The following CLSTN2 variants were observed in gnomAD, a reference collection of about 807,000 sequenced individuals.
CLSTN2 encodes calsyntenin-2.
Under a neutral mutation model 101.2 loss-of-function variants are expected in CLSTN2, and 48 were observed. The ratio of observed to expected loss-of-function variants is 0.47; its 90% CI spans 0.38 to 0.60. The LOEUF (loss-of-function observed/expected upper bound fraction) is 0.60, where lower values mean the gene tolerates loss of function less well. Ranked by LOEUF, CLSTN2 falls within the 20% of genes least tolerant of loss-of-function variation. The pLI, the probability that CLSTN2 is intolerant of heterozygous loss-of-function variation, is 0.00. For missense variants in CLSTN2, 1,160 were observed against 1,238.2 expected (o/e 0.94, Z 0.95); for synonymous variants, 481 against 463.6 (o/e 1.04, Z -0.48).
At chr3:139,968,546 C>G (rs1358246313) in intron 1 of CLSTN2, among the ~76,000 whole-genome samples, 1 of 152,202 alleles carries the variant, frequency 6.6e-6, no homozygotes, top group Non-Finnish European at 1.5e-5. Context: ...CATATGAAGA[C>G]AGAGTGAGAA....
chr3:140,488,340 T>C (rs908223471), intron 8 of CLSTN2, among the ~76,000 whole-genome samples: 1 of 152,246 alleles, frequency 6.6e-6, no homozygotes, highest in African/African-American at 2.4e-5. Flanking sequence ...CACTCAGCTC[T>C]GTCTCTTATT....
In CLSTN2 at chr3:140,202,308, T is replaced by C. The variant is rs149233878; in HGVS notation, c.232+26235T>C. Among the ~76,000 whole-genome samples, 547 of 152,310 alleles carry C rather than the reference T, an allele frequency of 3.6e-3. 4 individuals carry two copies. The highest frequency in any genetic ancestry group is 0.02 in the Middle Eastern group (6 of 294). On this transcript the variant is annotated intron_variant, in intron 2 of 16. Transcript: ENST00000458420. ...AACAGCTGAGAGTGCCAGTGGCTTA[T>C]ATCAGCAGGTGAGAAGTAGTGGGAT...
chr3:139,946,298 G>T (rs1935213656), intron 1 of CLSTN2, among the ~76,000 whole-genome samples: 1 of 152,146 alleles, frequency 6.6e-6, no homozygotes, highest in African/African-American at 2.4e-5. Flanking sequence ...AGATGCTTCT[G>T]CCTGAAGCTT....
chr3:140,506,884 T>C (rs1244508227), intron 8 of CLSTN2: 1 of 152,216 alleles, frequency 6.6e-6, no homozygotes, highest in Non-Finnish European at 1.5e-5. Flanking sequence ...CATGTTGAAA[T>C]GATAAATGGC....
At chr3:140,313,691 G>T (rs1174666069) in intron 2 of CLSTN2, among the ~76,000 whole-genome samples, 1 of 152,202 alleles carries the variant, frequency 6.6e-6, no homozygotes, top group Non-Finnish European at 1.5e-5. Flanking sequence ...ACCAGCTACT[G>T]AGAGGCTATT....
At chr3:140,469,975 T>C (rs561712941) in intron 8 of CLSTN2, among the ~76,000 whole-genome samples, 38 of 152,322 alleles carry the variant, frequency 2.5e-4, no homozygotes, top group Non-Finnish European at 4.3e-4. Context: ...TCTTTGATCT[T>C]GATGTCTTAT....
chr3:140,277,827 G>A (rs2086809274), intron 2 of CLSTN2, among the ~76,000 whole-genome samples: 1 of 152,140 alleles, frequency 6.6e-6, no homozygotes, highest in Admixed American at 6.5e-5. Context: ...TAATAGAAAT[G>A]GAAATGAAGG....
chr3:139,993,879 G>A (rs1029655768), intron 1 of CLSTN2, among the ~76,000 whole-genome samples: 1 of 125,588 alleles, frequency 8.0e-6, no homozygotes, highest in African/African-American at 2.8e-5. Flanking sequence ...ACAAACGGCA[G>A]GAAACTGCAC....
intron 2 of CLSTN2, among the ~76,000 whole-genome samples, chr3:140,280,520 C>A (rs987548945): frequency 2.0e-5 from 3 of 152,076 alleles, no homozygotes; most frequent in Admixed American, 6.5e-5. Context: ...GTGAGGAAAG[C>A]AATTGGGAAG....
chr3:140,509,893 T>C (rs1046706914), intron 8 of CLSTN2, among the ~76,000 whole-genome samples: 1 of 152,216 alleles, frequency 6.6e-6, no homozygotes, highest in African/African-American at 2.4e-5. Context: ...CTTTTTAATA[T>C]AGATGCTCCT....
intron 2 of CLSTN2, among the ~76,000 whole-genome samples, chr3:140,291,186 A>G (rs189770931): frequency 2.6e-5 from 4 of 152,278 alleles, no homozygotes; most frequent in Admixed American, 2.6e-4. Context: ...CATGTAAAAC[A>G]TATAGAAAGA....
At chr3:140,140,566 T>C (rs1460247913) in intron 1 of CLSTN2, among the ~76,000 whole-genome samples, 9 of 152,130 alleles carry the variant, frequency 5.9e-5, no homozygotes, top group East Asian at 5.8e-4. Flanking sequence ...ACCTCCAACA[T>C]TGGGAATCAC....
At chr3:140,006,169 T>C (rs1481934591) in intron 1 of CLSTN2, among the ~76,000 whole-genome samples, 1 of 152,224 alleles carries the variant, frequency 6.6e-6, no homozygotes, top group Non-Finnish European at 1.5e-5. Flanking sequence ...ACGGTGTTAA[T>C]AAGAATATGA....
intron 1 of CLSTN2, among the ~76,000 whole-genome samples, chr3:140,090,464 A>G (rs544442385): frequency 2.0e-4 from 30 of 152,096 alleles, no homozygotes; most frequent in Non-Finnish European, 3.8e-4. Flanking sequence ...ATATTGATGA[A>G]TCTGCTACAT....
chr3:140,314,750 T>C (rs763246508), intron 2 of CLSTN2, among the ~76,000 whole-genome samples: 2 of 152,178 alleles, frequency 1.3e-5, no homozygotes, highest in Non-Finnish European at 2.9e-5. Flanking sequence ...AAGAAGGAGC[T>C]TGTGCTGTTC....
intron 2 of CLSTN2, among the ~76,000 whole-genome samples, chr3:140,356,313 A>T (rs140289763): frequency 1.6e-3 from 240 of 152,346 alleles, no homozygotes; most frequent in African/African-American, 5.6e-3. Context: ...TGGACAGATC[A>T]GGGTAGATTC....
At chr3:140,535,972 A>G (rs1484170328) in intron 9 of CLSTN2, among the ~76,000 whole-genome samples, 1 of 152,190 alleles carries the variant, frequency 6.6e-6, no homozygotes, top group East Asian at 1.9e-4. Flanking sequence ...ACCCTGTAAT[A>G]AATTTTTAAA....
chr3:140,290,271 C>T (rs566994742), intron 2 of CLSTN2, among the ~76,000 whole-genome samples: 51 of 152,200 alleles, frequency 3.4e-4, no homozygotes, highest in African/African-American at 1.2e-3. Context: ...CAGCACTGAG[C>T]CCTGGGGTGA....
chr3:140,166,872 G>T (rs1259251985), intron 1 of CLSTN2, among the ~76,000 whole-genome samples: 1 of 152,164 alleles, frequency 6.6e-6, no homozygotes, highest in Non-Finnish European at 1.5e-5. Flanking sequence ...GATGGGATGT[G>T]CAGAAAACAG....
Sources: allele counts gnomAD v4.1 joint callset (sites outside exome capture counted in the v4.1 genomes callset), GRCh38; gene constraint gnomAD v4.1.1; transcripts MANE v1.5; gene names NCBI Gene and HGNC (gene_info 2026-07-23, HGNC 2026-07-21).